ZNF395: variants seen among roughly 807,000 people sequenced by gnomAD.
The protein encoded by ZNF395 is HD gene regulatory region-binding protein 2.
In ZNF395, 20 loss-of-function variants were observed where a neutral mutation model predicts 57.7. The ratio of observed to expected loss-of-function variants is 0.35; its 90% CI spans 0.24 to 0.50. The LOEUF is 0.50. ZNF395 is among the 20% of genes least tolerant of loss of function. The probability of loss-of-function intolerance (pLI) is 0.97; values close to 1 mark genes in which losing one functional copy is unlikely to be tolerated. For missense variants in ZNF395, 606 were observed against 671.2 expected (o/e 0.90, Z 1.07); for synonymous variants, 295 against 275.9 (o/e 1.07, Z -0.69).
At chr8:28,364,008 T>C (rs1301814558) in intron 1 of ZNF395, among the ~76,000 whole-genome samples, 2 of 152,168 alleles carry the variant, frequency 1.3e-5, no homozygotes, top group Non-Finnish European at 2.9e-5. Context: ...TACTCCCAAA[T>C]CTTAATTTTT....
At chr8:28,374,069 G>T (rs1039844578) in intron 1 of ZNF395, among the ~76,000 whole-genome samples, 3 of 152,182 alleles carry the variant, frequency 2.0e-5, no homozygotes, top group African/African-American at 7.2e-5. Flanking sequence ...ATCTGGAAAT[G>T]ACTGAAGTGC....
intron 1 of ZNF395, among the ~76,000 whole-genome samples, chr8:28,368,037 G>A (rs556120652): frequency 6.6e-6 from 1 of 152,190 alleles, no homozygotes; most frequent in Admixed American, 6.5e-5. Context: ...GGGGCGCTGG[G>A]GCGTGCATGT....
At chr8:28,376,488 C>T (rs1047828809) in intron 1 of ZNF395, among the ~76,000 whole-genome samples, 2 of 151,956 alleles carry the variant, frequency 1.3e-5, no homozygotes, top group African/African-American at 4.8e-5. Flanking sequence ...GGCATGGTGG[C>T]GGGAGCCTAT....
intron 1 of ZNF395, among the ~76,000 whole-genome samples, chr8:28,385,628 CGCGGGGCGCGGGAGG>C (rs1458817446): frequency 6.7e-6 from 1 of 149,280 alleles, no homozygotes; most frequent in East Asian, 1.9e-4. Context: ...GGCAGAAACG[CGCGGGGCGCGGGAGG>C]GCCGGGCGCG....
chr8:28,351,366 C>T, intron 7 of ZNF395, 129 bp downstream of exon 7: 1 of 1,023,454 alleles, frequency 9.8e-7, no homozygotes, highest in Non-Finnish European at 1.4e-6. Flanking sequence ...CTTTTGTTTC[C>T]TTGTAGAAGA....
Position 28,348,758 on chromosome 8 carries a change from G to T in ZNF395, c.1503C>A (p.Ala501=), listed in dbSNP as rs1046511. 6 of 1,613,830 alleles carry T rather than the reference G, an allele frequency of 3.7e-6. No individual in the cohort carries two copies. In the East Asian group the frequency reaches 6.7e-5, roughly 18 times the overall value. Residue 501 remains alanine, a synonymous_variant, in exon 10 of 10, where the codon GCC becomes GCA. Coordinates refer to ENST00000344423, the MANE Select transcript of ZNF395 (RefSeq NM_018660.3). ...GCTGGCAGGCCTTCTTCCACCGGCA[G>T]GCCGTGCACCACTGGTCCCGGTGCT... ...GIEHRDQWCT[A]CRWKKACQRF...
At chr8:28,361,594 G>T (rs540090841) in intron 1 of ZNF395, among the ~76,000 whole-genome samples, 1 of 152,112 alleles carries the variant, frequency 6.6e-6, no homozygotes, top group Admixed American at 6.5e-5. Context: ...GTACCCAAAG[G>T]CTGCACCCAA....
Position 28,345,809 on chromosome 8 carries a change from A to G in ZNF395, c.*2910T>C, listed in dbSNP as rs902039179. On this transcript the variant is annotated 3_prime_UTR_variant, in exon 10 of 10. Coordinates refer to ENST00000344423, the MANE Select transcript of ZNF395 (RefSeq NM_018660.3). ...GTAAAAGTCAGAACCTGGGATGACC[A>G]GAAAGTAACAGGACAGATTTCTCCC... is the stretch of plus-strand genomic sequence containing the variant. The G allele has an allele frequency of 1.4e-5, 2 of 145,534 alleles. No homozygotes were observed. Among genetic ancestry groups the G allele is most frequent in the Non-Finnish European group, 3.0e-5 (2 of 67,070 alleles). The allele number at this position is 145,534 out of a possible 1,614,324, so 9.0% of individuals were successfully genotyped here. A position where few individuals can be genotyped will look rare whatever the true frequency, so the allele number is the denominator to read the frequency against.
chr8:28,349,349 G>A (rs1485365407), intron 8 of ZNF395, 121 bp from the exon 9 acceptor site: 21 of 651,686 alleles, frequency 3.2e-5, no homozygotes, highest in Non-Finnish European at 4.3e-5. Flanking sequence ...CACCTTCTCA[G>A]GGAGAACACT....
In ZNF395 at chr8:28,352,254, C is replaced by T. The variant is rs1188081074; in HGVS notation, c.920+319G>A. Among the ~76,000 whole-genome samples the T allele has an allele frequency of 1.3e-5, 2 of 152,220 alleles. No individual in the cohort carries two copies. Among genetic ancestry groups the T allele is most frequent in the Non-Finnish European group, 2.9e-5 (2 of 68,022 alleles). On this transcript the variant is annotated intron_variant, in intron 6 of 9. Coordinates refer to ENST00000344423, the MANE Select transcript of ZNF395 (RefSeq NM_018660.3). This position sits in a 1 kb window ranked among gnomAD's most constrained non-coding sequence, Gnocchi z 4.0. ...CCAAGGAAGAGTGGGTGGTGCAGTG[C>T]TTGGCCACTAAACATCTTGGAAACG...
At chr8:28,362,361 C>G (rs1206286248) in intron 1 of ZNF395, among the ~76,000 whole-genome samples, 4 of 152,238 alleles carry the variant, frequency 2.6e-5, no homozygotes, top group African/African-American at 9.6e-5. Flanking sequence ...CGTGGCTCCT[C>G]AGTTCCTAAT....
chr8:28,359,628 T>C lies in ZNF395; in HGVS notation c.437A>G (p.Tyr146Cys), dbSNP rs772356833. 5.6e-6 allele frequency: 9 copies of C among 1,610,398 alleles called. No homozygotes were observed. The highest frequency in any genetic ancestry group is 4.4e-5 in the South Asian group (4 of 90,916). Reference sequence around the variant, plus strand: ...ATCGATGTTCCTGGAGACGGGCCTGTAGGCCAGGGCCTGGGCTCCGGGCTC... The same window carrying C: ...ATCGATGTTCCTGGAGACGGGCCTGCAGGCCAGGGCCTGGGCTCCGGGCTC... ...PLEPGAQALA[Y>C]RPVSRNIDVP... is the part of the protein sequence containing the mutation. The change falls in exon 3 of 10, where the codon TAC becomes TGC. Residue 146 changes from tyrosine to cysteine, a missense_variant. Physicochemically the swap from Tyr to Cys is radical, Grantham distance 194. Coordinates refer to ENST00000344423, the MANE Select transcript of ZNF395 (RefSeq NM_018660.3). The surrounding 1 kb of genome is among the most constrained non-coding windows in gnomAD (Gnocchi z 4.7).
intron 4 of ZNF395, among the ~76,000 whole-genome samples, chr8:28,354,779 A>G (rs1801760088): frequency 1.3e-5 from 2 of 152,024 alleles, no homozygotes; most frequent in African/African-American, 4.8e-5. Flanking sequence ...ATCATTAAAC[A>G]GGCCAACAGG....
chr8:28,358,716 G>A (rs565816515), intron 3 of ZNF395, among the ~76,000 whole-genome samples: 57 of 152,276 alleles, frequency 3.7e-4, no homozygotes, highest in Non-Finnish European at 7.6e-4. Context: ...GAGCCACTGC[G>A]CCTGGCCTAA....
At chr8:28,371,173 T>C (rs1801971405) in intron 1 of ZNF395, among the ~76,000 whole-genome samples, 1 of 152,206 alleles carries the variant, frequency 6.6e-6, no homozygotes, top group Non-Finnish European at 1.5e-5. Flanking sequence ...ATGTGTCTGA[T>C]TTCAAAAGCT....
intron 1 of ZNF395, among the ~76,000 whole-genome samples, chr8:28,366,953 A>G (rs750369351): frequency 6.6e-6 from 1 of 152,096 alleles, no homozygotes; most frequent in African/African-American, 2.4e-5. Context: ...TAAAACTTCT[A>G]GCTCTCTGGA....
chr8:28,360,783 A>G, intron 2 of ZNF395, 102 bp downstream of exon 2: 1 of 1,511,162 alleles, frequency 6.6e-7, no homozygotes, highest in African/African-American at 1.4e-5. Flanking sequence ...GTCTGCACTC[A>G]AAACGGTGCC....
intron 1 of ZNF395, among the ~76,000 whole-genome samples, chr8:28,380,699 A>C (rs367728623): frequency 1.3e-5 from 2 of 152,384 alleles, no homozygotes; most frequent in East Asian, 3.8e-4. Context: ...TAGTTGCTGC[A>C]CTATTCTCTG....
Position 28,346,006 on chromosome 8 carries a change from C to T in ZNF395, c.*2713G>A, listed in dbSNP as rs1345849072. The T allele has an allele frequency of 2.0e-5, 3 of 152,104 alleles. No individual in the cohort carries two copies. Among genetic ancestry groups the T allele is most frequent in the Non-Finnish European group, 2.9e-5 (2 of 68,018 alleles). The allele number at this position is 152,104 out of a possible 1,614,324, so 9.4% of individuals were successfully genotyped here. On this transcript the variant is annotated 3_prime_UTR_variant, in exon 10 of 10. Transcript: ENST00000344423. ...CCAAGCTATTTTACTTTAAATGGTC[C>T]TTTTGCTTTGCACCTGAGACCTCGC... is the stretch of plus-strand genomic sequence containing the variant.
Sources: allele counts gnomAD v4.1 joint callset (sites outside exome capture counted in the v4.1 genomes callset), GRCh38; gene constraint gnomAD v4.1.1; non-coding constraint Gnocchi (gnomAD v3.1); transcripts MANE v1.5; gene names NCBI Gene and HGNC (gene_info 2026-07-23, HGNC 2026-07-21).